Variants in ASAP1 observed in about 807,000 individuals in gnomAD.
The protein encoded by ASAP1 is arf-GAP with SH3 domain, ANK repeat and PH domain-containing protein 1.
A neutral mutation model predicts 145.2 loss-of-function variants in ASAP1; 43 were observed. The ratio of observed to expected loss-of-function variants is 0.30; its 90% CI spans 0.23 to 0.38. The LOEUF (loss-of-function observed/expected upper bound fraction) is 0.38, where lower values mean the gene tolerates loss of function less well. ASAP1 is among the 10% of genes least tolerant of loss of function. The pLI is 1.00. For synonymous variants in ASAP1, 546 were observed against 515.5 expected, an observed-to-expected ratio of 1.06 and a Z score of -0.80; for missense variants, 1,018 against 1,355.3, an observed-to-expected ratio of 0.75 and a Z score of 3.91.
intron 19 of ASAP1, 70 bp downstream of exon 19, chr8:130,118,419 T>C (rs930668827): frequency 3.3e-6 from 5 of 1,497,088 alleles, no homozygotes; most frequent in South Asian, 2.5e-5. Context: ...TGGTATAATG[T>C]TAAAATAAGT....
chr8:130,401,759 G>T, intron 2 of ASAP1, 126 bp downstream of exon 2: 1 of 809,748 alleles, frequency 1.2e-6, no homozygotes, highest in Non-Finnish European at 2.0e-6. Flanking sequence ...TAACAATCGT[G>T]CACACAGTCT....
intron 27 of ASAP1, among the ~76,000 whole-genome samples, chr8:130,061,636 GCTT>G (rs2097419836): frequency 6.6e-6 from 1 of 152,038 alleles, no homozygotes; most frequent in African/African-American, 2.4e-5. Flanking sequence ...GTAGCAAAAG[GCTT>G]CTTCTACTTT....
At chr8:130,128,206 C>T in intron 15 of ASAP1, 116 bp from the exon 16 acceptor site, 1 of 678,176 alleles carries the variant, frequency 1.5e-6, no homozygotes, top group Non-Finnish European at 2.1e-6. Flanking sequence ...CAAGTAATTC[C>T]AAAAGAGAAG....
intron 1 of ASAP1, among the ~76,000 whole-genome samples, chr8:130,417,619 G>T (rs1324784830): frequency 7.4e-6 from 1 of 134,420 alleles, no homozygotes; most frequent in African/African-American, 2.7e-5. Context: ...GGCTTCAGGG[G>T]AAAAAAAAAA....
At chr8:130,086,855 GGAAA>G (rs1369491650) in intron 25 of ASAP1, among the ~76,000 whole-genome samples, 1 of 152,124 alleles carries the variant, frequency 6.6e-6, no homozygotes, top group Non-Finnish European at 1.5e-5. Context: ...TTTGAGAGGG[GGAAA>G]GACAGACTCT....
At chr8:130,255,577 A>G (rs1819461722) in intron 3 of ASAP1, among the ~76,000 whole-genome samples, 1 of 152,178 alleles carries the variant, frequency 6.6e-6, no homozygotes, top group Non-Finnish European at 1.5e-5. Context: ...CAGTTTTTCC[A>G]CTTTCATTAA....
chr8:130,235,925 C>T (rs1190339148), intron 4 of ASAP1, among the ~76,000 whole-genome samples: 1 of 152,118 alleles, frequency 6.6e-6, no homozygotes, highest in Admixed American at 6.6e-5. Flanking sequence ...CTCCCATAAC[C>T]TGGCAGACCC....
intron 1 of ASAP1, among the ~76,000 whole-genome samples, chr8:130,429,669 A>G (rs1286403985): frequency 6.6e-6 from 1 of 152,092 alleles, no homozygotes; most frequent in Non-Finnish European, 1.5e-5. Context: ...TAACACTATT[A>G]CTTTCTTCAA....
chr8:130,272,218 G>C (rs971505614), intron 3 of ASAP1, among the ~76,000 whole-genome samples: 1 of 151,876 alleles, frequency 6.6e-6, no homozygotes, highest in African/African-American at 2.4e-5. Flanking sequence ...AAAATGACCA[G>C]CAGGTATATA....
intron 3 of ASAP1, among the ~76,000 whole-genome samples, chr8:130,295,523 C>T (rs1411143801): frequency 6.6e-6 from 1 of 152,082 alleles, no homozygotes; most frequent in Non-Finnish European, 1.5e-5. Context: ...GATAATAATA[C>T]CTAGTTATTG....
intron 15 of ASAP1, among the ~76,000 whole-genome samples, chr8:130,133,688 C>CAAAA (rs138495590): frequency 1.5e-5 from 2 of 137,726 alleles, no homozygotes; most frequent in Non-Finnish European, 1.6e-5. Context: ...AACAAACAAA[C>CAAAA]AAAAAAAAAA....
chr8:130,366,039 G>C (rs1309581092), intron 2 of ASAP1, among the ~76,000 whole-genome samples: 1 of 152,198 alleles, frequency 6.6e-6, no homozygotes, highest in African/African-American at 2.4e-5. Flanking sequence ...TTCCCAAGCA[G>C]TTAGGTGACT....
At chr8:130,443,284 C>T (rs1830556539) in intron 1 of ASAP1, among the ~76,000 whole-genome samples, 176 bp downstream of exon 1, 1 of 151,874 alleles carries the variant, frequency 6.6e-6, no homozygotes. Flanking sequence ...ACGCCCCAGC[C>T]CAGGGCCGGC....
At chr8:130,187,417 A>C (rs1278857001) in intron 6 of ASAP1, 132 bp from the exon 7 acceptor site, 7 of 717,372 alleles carry the variant, frequency 9.8e-6, no homozygotes, top group South Asian at 1.7e-5. Context: ...TGCACGTTAC[A>C]CCATTTTTTT....
At chr8:130,442,087 G>GT (rs921672637) in intron 1 of ASAP1, among the ~76,000 whole-genome samples, 35 of 151,868 alleles carry the variant, frequency 2.3e-4, no homozygotes, top group African/African-American at 7.5e-4. Flanking sequence ...GGTGATTTTT[G>GT]TTTTTTTTAA....
intron 14 of ASAP1, among the ~76,000 whole-genome samples, chr8:130,135,016 A>AGGGAAGGAGT (rs759865699): frequency 3.1e-4 from 47 of 152,278 alleles, no homozygotes; most frequent in Non-Finnish European, 6.2e-4. Flanking sequence ...TATCCATGTA[A>AGGGAAGGAGT]GGGAAGGAGT....
intron 2 of ASAP1, among the ~76,000 whole-genome samples, chr8:130,380,079 G>A (rs1267670777): frequency 6.6e-6 from 1 of 152,210 alleles, no homozygotes; most frequent in Non-Finnish European, 1.5e-5. Flanking sequence ...GCACCTACCT[G>A]TTGGGCACCC....
intron 2 of ASAP1, chr8:130,361,683 T>C (rs1321007423): frequency 6.5e-7 from 1 of 1,532,906 alleles, no homozygotes; most frequent in Non-Finnish European, 8.7e-7. Flanking sequence ...TTCTGGGCCA[T>C]AATCCTCTTT....
chr8:130,256,170 C>T (rs545687428), intron 3 of ASAP1, among the ~76,000 whole-genome samples: 6 of 152,192 alleles, frequency 3.9e-5, no homozygotes, highest in Non-Finnish European at 5.9e-5. Context: ...GTATTGTTTC[C>T]GTAAACATAA....
Sources: allele counts gnomAD v4.1 joint callset (sites outside exome capture counted in the v4.1 genomes callset), GRCh38; gene constraint gnomAD v4.1.1; transcripts MANE v1.5; gene names NCBI Gene and HGNC (gene_info 2026-07-23, HGNC 2026-07-21).